Variants in MAEL observed in about 807,000 individuals in gnomAD.
MAEL encodes maelstrom spermatogenic transposon silencer, also known as protein maelstrom homolog.
In MAEL, 46 loss-of-function variants were observed where a neutral mutation model predicts 62.0. The ratio of observed to expected loss-of-function variants is 0.74; its 90% CI spans 0.59 to 0.95. The LOEUF is 0.95. Ranked by LOEUF, MAEL falls within the 40% of genes least tolerant of loss-of-function variation. The pLI, the probability that MAEL is intolerant of heterozygous loss-of-function variation, is 0.00. For synonymous variants in MAEL, 172 were observed against 175.5 expected, an observed-to-expected ratio of 0.98 and a Z score of 0.16; for missense variants, 497 against 526.8, an observed-to-expected ratio of 0.94 and a Z score of 0.55.
chr1:166,992,268 T>A (rs758311178), intron 3 of MAEL, among the ~76,000 whole-genome samples: 6 of 152,116 alleles, frequency 3.9e-5, no homozygotes, highest in South Asian at 2.1e-4. Flanking sequence ...TGGTAAAAAG[T>A]GAAAAAAGAA....
chr1:166,976,029 C>G (rs1340200939), intron 1 of MAEL, among the ~76,000 whole-genome samples: 1 of 152,154 alleles, frequency 6.6e-6, no homozygotes, highest in Admixed American at 6.5e-5. Context: ...TTTGACAGTG[C>G]AAGGAACCAG....
At position 167,021,082 on chromosome 1, in the gene MAEL, C is replaced by G. The variant is rs757387635; in HGVS notation, c.1042-3C>G. 1.2e-6 allele frequency: 2 copies of G among 1,606,580 alleles called. No individual in the cohort carries two copies. The highest frequency in any genetic ancestry group is 3.3e-5 in the Admixed American group (2 of 59,740). On this transcript the variant is annotated splice_polypyrimidine_tract_variant and splice_region_variant and intron_variant, in intron 10 of 11. Coordinates refer to ENST00000367872, the MANE Select transcript of MAEL (RefSeq NM_032858.3). ...CCCCCTGGTATTTTCCTGTTACTTA[C>G]AGAAGCTAAGGGTTGGGAGTTCAGG... is the stretch of plus-strand genomic sequence containing the variant.
chr1:166,985,466 C>G (rs936830463), upstream of MAEL, among the ~76,000 whole-genome samples: 10 of 152,194 alleles, frequency 6.6e-5, no homozygotes, highest in Non-Finnish European at 1.5e-4. Context: ...CCTTGGAATT[C>G]ACATAGGACT....
intron 1 of MAEL, among the ~76,000 whole-genome samples, chr1:166,978,644 G>C (rs1014371470): frequency 1.3e-5 from 2 of 152,128 alleles, no homozygotes; most frequent in African/African-American, 4.8e-5. Context: ...ACTTTCCCCA[G>C]GTGCTTCCAA....
intron 8 of MAEL, among the ~76,000 whole-genome samples, chr1:167,011,647 T>A (rs892675851): frequency 6.6e-6 from 1 of 152,196 alleles, no homozygotes; most frequent in African/African-American, 2.4e-5. Flanking sequence ...AAGAAAGTTT[T>A]CAGGGACAAA....
chr1:166,976,274 T>C (rs1457924648), intron 1 of MAEL, among the ~76,000 whole-genome samples: 1 of 152,182 alleles, frequency 6.6e-6, no homozygotes, highest in Non-Finnish European at 1.5e-5. Flanking sequence ...TCTCAAAATG[T>C]ATGTGTTGAG....
upstream of MAEL, among the ~76,000 whole-genome samples, chr1:166,986,838 TA>T (rs1329009630): frequency 6.6e-6 from 1 of 151,770 alleles, no homozygotes; most frequent in African/African-American, 2.4e-5. Context: ...AGTGGATCAA[TA>T]AAATCAAAAG....
At chr1:166,998,252 A>T (rs1266016797) in intron 5 of MAEL, among the ~76,000 whole-genome samples, 2 of 152,146 alleles carry the variant, frequency 1.3e-5, no homozygotes, top group Non-Finnish European at 2.9e-5. Flanking sequence ...TATATTTGTA[A>T]ACATGGGGCT....
At chr1:167,012,386 T>C (rs1665203299) in intron 8 of MAEL, 1 of 152,218 alleles carries the variant, frequency 6.6e-6, no homozygotes, top group Non-Finnish European at 1.5e-5. Context: ...AGTCTCCTGA[T>C]GCTTCTTGTC....
At chr1:166,989,026 T>A, upstream of MAEL, 1 of 273,170 alleles carries the variant, frequency 3.7e-6, no homozygotes, top group Non-Finnish European at 7.1e-6. Flanking sequence ...ACCTACTTTG[T>A]CGCACATTAC....
chr1:167,005,124 G>A lies in MAEL; in HGVS notation c.697G>A (p.Ala233Thr). Reference protein sequence around the residue: ...VNWCLKHMAKASEIRQDLQLL... With the variant: ...VNWCLKHMAKTSEIRQDLQLL... ...CTGGTGTTTGAAGCATATGGCAAAG[G>A]CATCAGGTAAGTAAAACTCTGGGTT... The change falls in exon 7 of 12, where the codon GCA becomes ACA. Residue 233 changes from alanine (A) to threonine (T), a missense_variant. By Grantham distance (58) the Ala-to-Thr change is moderately conservative. Transcript: ENST00000367872. 1 of 1,613,652 alleles carries A rather than the reference G, an allele frequency of 6.2e-7. No homozygotes were observed. The highest frequency in any genetic ancestry group is 1.3e-5 in the African/African-American group (1 of 75,026).
intron 1 of MAEL, among the ~76,000 whole-genome samples, chr1:166,982,504 T>C (rs1663787527): frequency 6.6e-6 from 1 of 152,158 alleles, no homozygotes; most frequent in South Asian, 2.1e-4. Context: ...CTATTATTAT[T>C]ATTAGCACAG....
At chr1:166,976,830 G>A (rs1021104868) in intron 1 of MAEL, among the ~76,000 whole-genome samples, 4 of 152,146 alleles carry the variant, frequency 2.6e-5, no homozygotes, top group African/African-American at 9.7e-5. Flanking sequence ...TAGACCCTGG[G>A]CAGCTGTCTT....
Position 166,991,381 on chromosome 1 carries a change from C to T in MAEL, c.229C>T (p.Pro77Ser). ...CAATCATTCTCTTCCTCTTTAGAAA[C>T]CTGTTTTCACACCACTGAGGAGGCC... is the stretch of plus-strand genomic sequence containing the variant. Reference protein sequence around the residue: ...KDPGPSEKQKPVFTPLRRPGM... With the variant: ...KDPGPSEKQKSVFTPLRRPGM... Residue 77 changes from proline to serine, a missense_variant, in exon 3 of 12, where the codon CCT becomes TCT. Pro to Ser is a moderately conservative substitution (Grantham distance 74). Coordinates refer to ENST00000367872, the MANE Select transcript of MAEL (RefSeq NM_032858.3). 6.2e-7 allele frequency: 1 copy of T among 1,605,970 alleles called. No individual in the cohort carries two copies. The highest frequency in any genetic ancestry group is 8.5e-7 in the Non-Finnish European group (1 of 1,172,788).
upstream of MAEL, among the ~76,000 whole-genome samples, chr1:166,984,630 T>A (rs1344477215): frequency 1.3e-5 from 2 of 152,144 alleles, no homozygotes; most frequent in African/African-American, 4.8e-5. Context: ...CTTACAATGG[T>A]CATGGTCAAG....
chr1:167,016,753 T>C (rs1665407222), intron 9 of MAEL, among the ~76,000 whole-genome samples: 1 of 152,106 alleles, frequency 6.6e-6, no homozygotes, highest in African/African-American at 2.4e-5. Flanking sequence ...AGCAGATGAA[T>C]GGATAAAGAA....
intron 10 of MAEL, among the ~76,000 whole-genome samples, chr1:167,020,790 A>G (rs935307247): frequency 1.3e-5 from 2 of 151,828 alleles, no homozygotes; most frequent in Non-Finnish European, 1.5e-5. Flanking sequence ...GGCTTCAGTA[A>G]TTTTCCCCTC....
In MAEL at chr1:166,989,296, C is replaced by A. The variant is rs1447041111; in HGVS notation, c.-57C>A. 27 of 1,564,014 alleles carry A rather than the reference C, an allele frequency of 1.7e-5. No homozygotes were observed. Among genetic ancestry groups the A allele is most frequent in the Non-Finnish European group, 2.3e-5 (27 of 1,153,288 alleles). ...ACCTCTGTTACTTAGGGCGGGAGCC[C>A]GGCGAGGGCGCCGGTGCTTTGTTCT... On this transcript the variant is annotated 5_prime_UTR_variant, in exon 1 of 12. Coordinates refer to ENST00000367872, the MANE Select transcript of MAEL (RefSeq NM_032858.3).
chr1:166,986,319 T>C (rs1410327215), upstream of MAEL, among the ~76,000 whole-genome samples: 2 of 152,204 alleles, frequency 1.3e-5, no homozygotes, highest in East Asian at 1.9e-4. Context: ...TTTAGATATA[T>C]TGTGTTTATT....
Sources: allele counts gnomAD v4.1 joint callset (sites outside exome capture counted in the v4.1 genomes callset), GRCh38; gene constraint gnomAD v4.1.1; transcripts MANE v1.5; gene names NCBI Gene and HGNC (gene_info 2026-07-23, HGNC 2026-07-21).